Variants in EPHA6 observed in about 807,000 individuals in gnomAD.
EPHA6 encodes EPH receptor A6.
In EPHA6, 50 loss-of-function variants were observed where a neutral mutation model predicts 112.0. The ratio of observed to expected loss-of-function variants is 0.45; its 90% confidence interval spans 0.36 to 0.56. EPHA6 has a LOEUF of 0.56. Among genes scored for constraint, EPHA6 ranks in the 20% least tolerant of loss-of-function variants. The probability of loss-of-function intolerance (pLI) is 0.00; values close to 1 mark genes in which losing one functional copy is unlikely to be tolerated. For synonymous variants in EPHA6, 529 were observed against 490.7 expected, an observed-to-expected ratio of 1.08 and a Z score of -1.03; for missense variants, 1,280 against 1,417.4, an observed-to-expected ratio of 0.90 and a Z score of 1.56.
At chr3:97,150,384 A>G (rs1055363334) in intron 3 of EPHA6, among the ~76,000 whole-genome samples, 1 of 152,134 alleles carries the variant, frequency 6.6e-6, no homozygotes, top group Non-Finnish European at 1.5e-5. Context: ...CTTCCTGTAG[A>G]GTAAAGGACA....
rs770962030 is a variant in EPHA6, at chr3:96,814,725, G to C, written c.102G>C (p.Ser34=). The C allele has an allele frequency of 5.1e-6, 8 of 1,572,876 alleles. No individual in the cohort carries two copies. The highest frequency in any genetic ancestry group is 6.9e-6 in the Non-Finnish European group (8 of 1,159,256). Reference sequence around the variant, plus strand: ...CTGCAACTGGGCAGCCTGGACCCTCGTGCCCTGTTCCCGGGACCTCGCGCA... The same window carrying C: ...CTGCAACTGGGCAGCCTGGACCCTCCTGCCCTGTTCCCGGGACCTCGCGCA... ...AAPATGQPGP[S]CPVPGTSRRG... Residue 34 remains serine, a synonymous_variant, in exon 1 of 18, where the codon TCG becomes TCC. Transcript: ENST00000389672.
At chr3:97,057,900 A>G (rs993305070) in intron 3 of EPHA6, among the ~76,000 whole-genome samples, 12 of 152,166 alleles carry the variant, frequency 7.9e-5, no homozygotes, top group East Asian at 5.8e-4. Context: ...CCATCTCTGT[A>G]CAGAGAGTAA....
chr3:97,424,103 G>A (rs368261899), intron 6 of EPHA6, among the ~76,000 whole-genome samples: 38 of 152,306 alleles, frequency 2.5e-4, no homozygotes, highest in African/African-American at 7.7e-4. Context: ...GGTGGAAGGC[G>A]AATGAGGAGC....
intron 1 of EPHA6, among the ~76,000 whole-genome samples, chr3:96,859,384 T>A (rs78111473): frequency 1.2e-5 from 1 of 86,714 alleles, no homozygotes; most frequent in East Asian, 4.2e-4. Context: ...TAATGGTTAA[T>A]TTTTTTTTTT....
chr3:96,976,583 A>C (rs2042532282), intron 2 of EPHA6, among the ~76,000 whole-genome samples: 1 of 152,200 alleles, frequency 6.6e-6, no homozygotes, highest in Middle Eastern at 3.2e-3. Flanking sequence ...CTATTAAAAA[A>C]TAATTCCAGT....
At chr3:97,243,817 A>C in intron 4 of EPHA6, 135 bp from the exon 5 acceptor site, 1 of 646,762 alleles carries the variant, frequency 1.5e-6, no homozygotes, top group Non-Finnish European at 2.6e-6. Flanking sequence ...CCATGTGATC[A>C]TTATAGATCC....
intron 3 of EPHA6, among the ~76,000 whole-genome samples, chr3:97,011,282 T>G (rs1193805139): frequency 6.6e-6 from 1 of 152,170 alleles, no homozygotes; most frequent in Non-Finnish European, 1.5e-5. Context: ...CTAGTTTGAG[T>G]AACAGACTAT....
intron 3 of EPHA6, among the ~76,000 whole-genome samples, chr3:97,130,483 A>G (rs967889515): frequency 2.6e-5 from 4 of 152,134 alleles, no homozygotes; most frequent in African/African-American, 9.7e-5. Flanking sequence ...AATTATACAA[A>G]TATTTCTAGT....
At chr3:97,255,564 C>A (rs1383749803) in intron 5 of EPHA6, among the ~76,000 whole-genome samples, 1 of 152,126 alleles carries the variant, frequency 6.6e-6, no homozygotes, top group African/African-American at 2.4e-5. Flanking sequence ...AAAATGAAAT[C>A]TATGGTAAAA....
intron 3 of EPHA6, among the ~76,000 whole-genome samples, chr3:97,079,228 G>T (rs867345717): frequency 9.9e-5 from 15 of 152,106 alleles, no homozygotes; most frequent in Admixed American, 2.0e-4. Context: ...TTAGGATGAA[G>T]ACAATGTGGT....
At chr3:97,467,912 A>G (rs1351259823) in intron 7 of EPHA6, among the ~76,000 whole-genome samples, 5 of 151,690 alleles carry the variant, frequency 3.3e-5, no homozygotes, top group African/African-American at 7.3e-5. Flanking sequence ...ATGCTGCGCT[A>G]TTTGCCTCTG....
intron 5 of EPHA6, among the ~76,000 whole-genome samples, chr3:97,334,092 T>G (rs937705708): frequency 6.6e-6 from 1 of 152,086 alleles, no homozygotes; most frequent in Non-Finnish European, 1.5e-5. Context: ...GTTGATATAG[T>G]CGGTTATAGT....
intron 5 of EPHA6, among the ~76,000 whole-genome samples, chr3:97,286,318 A>G (rs969594349): frequency 5.3e-5 from 8 of 152,178 alleles, no homozygotes; most frequent in Non-Finnish European, 1.2e-4. Context: ...GGCTAGACCA[A>G]TGCAATGAAA....
chr3:96,835,668 C>T (rs11917228), intron 1 of EPHA6, among the ~76,000 whole-genome samples: 11,788 of 151,992 alleles, frequency 0.078, 829 homozygotes, highest in Admixed American at 0.23. Flanking sequence ...TTCTTGACCC[C>T]GGCTGCATAT....
chr3:96,990,927 A>G (rs1245102126), intron 3 of EPHA6, among the ~76,000 whole-genome samples: 1 of 152,172 alleles, frequency 6.6e-6, no homozygotes, highest in Non-Finnish European at 1.5e-5. Flanking sequence ...ATAGGAAAAG[A>G]AAAAATGAGT....
chr3:97,034,869 G>A (rs747685070), intron 3 of EPHA6, among the ~76,000 whole-genome samples: 16 of 151,840 alleles, frequency 1.1e-4, no homozygotes, highest in Non-Finnish European at 1.5e-4. Flanking sequence ...AGACCTCAGA[G>A]CAATTAAGGT....
intron 2 of EPHA6, among the ~76,000 whole-genome samples, chr3:96,974,265 CT>C (rs1042132949): frequency 4.1e-5 from 6 of 147,746 alleles, no homozygotes; most frequent in South Asian, 2.1e-4. Flanking sequence ...TAAAACCTGG[CT>C]TTTTGGCCTA....
At chr3:97,232,086 C>G (rs1317822623) in intron 4 of EPHA6, among the ~76,000 whole-genome samples, 4 of 152,124 alleles carry the variant, frequency 2.6e-5, no homozygotes, top group Admixed American at 2.6e-4. Flanking sequence ...ATTCAAAGAA[C>G]TCCACATGCC....
At chr3:97,047,901 A>G (rs2045565641) in intron 3 of EPHA6, among the ~76,000 whole-genome samples, 1 of 152,242 alleles carries the variant, frequency 6.6e-6, no homozygotes, top group African/African-American at 2.4e-5. Context: ...AGTCATTCAC[A>G]ATGGCATTAT....
Sources: gnomAD v4.1 joint callset for allele counts (sites outside exome capture counted in the v4.1 genomes callset) on GRCh38, gnomAD v4.1.1 for gene constraint, MANE v1.5 for transcripts, NCBI Gene and HGNC (gene_info 2026-07-23, HGNC 2026-07-21) for gene names.